CEACAM20: variants seen among roughly 807,000 people sequenced by gnomAD.
The protein encoded by CEACAM20 is cell adhesion molecule CEACAM20.
A neutral mutation model predicts 61.2 loss-of-function variants in CEACAM20; 50 were observed. The ratio of observed to expected loss-of-function variants is 0.82; its 90% CI spans 0.65 to 1.03. The LOEUF is 1.03. CEACAM20 is among the 50% of genes least tolerant of loss of function. The probability of loss-of-function intolerance (pLI) is 0.00; values close to 1 mark genes in which losing one functional copy is unlikely to be tolerated. For synonymous variants in CEACAM20, 282 were observed against 287.7 expected, an observed-to-expected ratio of 0.98 and a Z score of 0.20; for missense variants, 683 against 736.4, an observed-to-expected ratio of 0.93 and a Z score of 0.84.
At chr19:44,510,596 GAAAGAAAGAAAGAAAAAGGAAGGAAGGAA>G (rs1970957379) in intron 11 of CEACAM20, among the ~76,000 whole-genome samples, 1 of 62,780 alleles carries the variant, frequency 1.6e-5, no homozygotes, top group Non-Finnish European at 2.9e-5. Context: ...AAGAAAGAAA[GAAAGAAAGAAAGAAAAAGGAAGGAAGGAA>G]GAAAGAAAGA....
intron 6 of CEACAM20, among the ~76,000 whole-genome samples, chr19:44,515,793 G>A (rs950623421): frequency 4.6e-5 from 7 of 151,964 alleles, no homozygotes; most frequent in South Asian, 2.1e-4. Context: ...GGGAGGCCCC[G>A]TCTCTACAAA....
At chr19:44,511,935 A>G in intron 9 of CEACAM20, 82 bp downstream of exon 9, 2 of 1,342,384 alleles carry the variant, frequency 1.5e-6, no homozygotes, top group Admixed American at 4.0e-5. Flanking sequence ...TCAAAAGATC[A>G]TGCCAGCCCC....
intron 8 of CEACAM20, among the ~76,000 whole-genome samples, chr19:44,512,466 G>A (rs563362902): frequency 1.2e-4 from 19 of 152,258 alleles, no homozygotes; most frequent in Admixed American, 5.2e-4. Flanking sequence ...TGGCAAATAC[G>A]TTTCATTTTG....
chr19:44,526,891 CAAA>C (rs150307983), intron 1 of CEACAM20, among the ~76,000 whole-genome samples: 1 of 144,114 alleles, frequency 6.9e-6, no homozygotes, highest in African/African-American at 2.6e-5. Context: ...AACAAACAAA[CAAA>C]AAAAAAACAC....
chr19:44,526,415 G>A (rs1235814564), intron 1 of CEACAM20, among the ~76,000 whole-genome samples: 2 of 152,016 alleles, frequency 1.3e-5, no homozygotes, highest in African/African-American at 4.8e-5. Context: ...TGAAATGGGA[G>A]GATCACTTGA....
intron 6 of CEACAM20, among the ~76,000 whole-genome samples, chr19:44,515,390 A>G (rs1971127212): frequency 6.6e-6 from 1 of 152,124 alleles, no homozygotes; most frequent in Non-Finnish European, 1.5e-5. Context: ...CATCCATCAA[A>G]TGGTCTTAAT....
intron 11 of CEACAM20, among the ~76,000 whole-genome samples, chr19:44,510,672 T>G (rs968634167): frequency 1.3e-4 from 18 of 139,658 alleles, no homozygotes; most frequent in Non-Finnish European, 2.2e-4. Flanking sequence ...TACAGTAGAG[T>G]GAATGGGAAG....
At chr19:44,528,153 CTTTCT>C (rs1971585931) in intron 1 of CEACAM20, among the ~76,000 whole-genome samples, 1 of 113,034 alleles carries the variant, frequency 8.8e-6, no homozygotes, top group Non-Finnish European at 1.7e-5. Flanking sequence ...TCTTTTCTTT[CTTTCT>C]TTTCTTTCTT....
chr19:44,517,946 G>A (rs577958928), intron 5 of CEACAM20, among the ~76,000 whole-genome samples: 1 of 151,454 alleles, frequency 6.6e-6, no homozygotes. Context: ...AGCTGGATGT[G>A]GTAGCACATG....
rs557601090 is a variant in CEACAM20, at chr19:44,523,894, G to A, written c.472+92C>T. The A allele has an allele frequency of 2.3e-5, 31 of 1,329,544 alleles. 1 individual carries two copies. Among genetic ancestry groups the A allele is most frequent in the African/African-American group, 1.2e-4 (8 of 68,272 alleles). The allele number at this position is 1,329,544 out of a possible 1,614,324, so 82.4% of individuals were successfully genotyped here. ...CTGAAGTTCAAAGGTAGACAAGTCCGCATCTGGATGGTATTTCAAGCTGTG... is the reference window on the plus strand; with the variant it reads ...CTGAAGTTCAAAGGTAGACAAGTCCACATCTGGATGGTATTTCAAGCTGTG... On this transcript the variant is annotated intron_variant, in intron 3 of 11. Transcript: ENST00000614924.
chr19:44,512,166 AG>A, intron 8 of CEACAM20, 88 bp from the exon 9 acceptor site: 1 of 957,722 alleles, frequency 1.0e-6, no homozygotes, highest in South Asian at 1.4e-5. Flanking sequence ...GACCCCAGGA[AG>A]GAAGTGCAGA....
chr19:44,518,657 G>C (rs553676422), intron 5 of CEACAM20, among the ~76,000 whole-genome samples: 17 of 152,192 alleles, frequency 1.1e-4, no homozygotes, highest in Non-Finnish European at 2.1e-4. Flanking sequence ...GCAAAAGGTT[G>C]CTAATTGAGA....
chr19:44,527,704 A>G (rs997597589), intron 1 of CEACAM20, among the ~76,000 whole-genome samples: 1 of 152,142 alleles, frequency 6.6e-6, no homozygotes, highest in Non-Finnish European at 1.5e-5. Context: ...TCCCAGGACT[A>G]CAGAGCCCCT....
chr19:44,521,794 A>G (rs538613191), intron 4 of CEACAM20, among the ~76,000 whole-genome samples: 1 of 152,206 alleles, frequency 6.6e-6, no homozygotes, highest in East Asian at 1.9e-4. Flanking sequence ...CGTATTATAT[A>G]TGAGTTGTGT....
At chr19:44,511,795 A>G (rs945742669) in intron 9 of CEACAM20, 123 bp from the exon 10 acceptor site, 1 of 1,063,758 alleles carries the variant, frequency 9.4e-7, no homozygotes. Context: ...AGAGGGCTCA[A>G]AGCTAGGAAT....
chr19:44,508,971 G>T (rs1479422896), intron 11 of CEACAM20, among the ~76,000 whole-genome samples: 1 of 152,168 alleles, frequency 6.6e-6, no homozygotes, highest in Non-Finnish European at 1.5e-5. Flanking sequence ...AAAATGTGGG[G>T]AAGTAAATAT....
chr19:44,522,848 C>T lies in CEACAM20; in HGVS notation c.537G>A (p.Val179=), dbSNP rs745723023. ...SGVASGEVVE[V]MEGSSMTFLA... is the part of the protein sequence containing the mutation. ...AGAAGGTCATGCTGGAGCCCTCCAT[C>T]ACCTCAACCACCTCCCCACTGGCAA... Residue 179 remains valine, a synonymous_variant, in exon 4 of 12, where the codon GTG becomes GTA. Transcript: ENST00000614924. 4 of 1,610,438 alleles carry T rather than the reference C, an allele frequency of 2.5e-6. No individual in the cohort carries two copies. In the East Asian group the frequency reaches 6.7e-5, roughly 27 times the overall value.
intron 6 of CEACAM20, among the ~76,000 whole-genome samples, chr19:44,516,288 T>C (rs1229487880): frequency 3.3e-5 from 5 of 152,212 alleles, no homozygotes; most frequent in Non-Finnish European, 5.9e-5. Flanking sequence ...CTCTGACTCA[T>C]TGTCCTTCTA....
At chr19:44,522,596 A>G in intron 4 of CEACAM20, 38 bp downstream of exon 4, 1 of 1,597,662 alleles carries the variant, frequency 6.3e-7, no homozygotes, top group Non-Finnish European at 8.5e-7. Flanking sequence ...TCTGACGCTC[A>G]GAAGAATGAA....
Sources: allele counts gnomAD v4.1 joint callset (sites outside exome capture counted in the v4.1 genomes callset), GRCh38; gene constraint gnomAD v4.1.1; transcripts MANE v1.5; gene names NCBI Gene and HGNC (gene_info 2026-07-23, HGNC 2026-07-21).